The following PTPRZ1 variants were observed in gnomAD, a reference collection of about 807,000 sequenced individuals.
The protein encoded by PTPRZ1 is receptor-type tyrosine-protein phosphatase zeta.
Under a neutral mutation model 214.1 loss-of-function variants are expected in PTPRZ1, and 82 were observed. That is an observed-to-expected ratio of 0.38 (90% CI 0.32 to 0.46). The LOEUF is 0.46. Ranked by LOEUF, PTPRZ1 falls within the 20% of genes least tolerant of loss-of-function variation. The pLI, the probability that PTPRZ1 is intolerant of heterozygous loss-of-function variation, is 1.00. For missense variants in PTPRZ1, 2,603 were observed against 2,748.7 expected (o/e 0.95, Z 1.19); for synonymous variants, 945 against 987.9 (o/e 0.96, Z 0.81).
rs66916301 is a variant in PTPRZ1 at position 121,993,572 on chromosome 7, C to CAAA, written c.929-2790_929-2788dup. Among the ~76,000 whole-genome samples the CAAA allele has an allele frequency of 4.3e-3, 314 of 73,504 alleles. 3 individuals are homozygous for CAAA. Among genetic ancestry groups the CAAA allele is most frequent in the African/African-American group, 0.015 (282 of 18,492 alleles). The allele number at this position is 73,504 out of a possible 152,430, so 48.2% of individuals were successfully genotyped here. ...CCTGGATGACAGAGCGAGACTGTCTCAAAAAAAAAAAAAAAAAAAAAACAC... is the reference window on the plus strand; with the variant it reads ...CCTGGATGACAGAGCGAGACTGTCTCAAAAAAAAAAAAAAAAAAAAAAAAACAC... On this transcript the variant is annotated intron_variant, in intron 8 of 29. Coordinates refer to ENST00000393386, the MANE Select transcript of PTPRZ1 (RefSeq NM_002851.3).
At chr7:121,893,535 A>G (rs746838578) in intron 1 of PTPRZ1, among the ~76,000 whole-genome samples, 4 of 152,220 alleles carry the variant, frequency 2.6e-5, no homozygotes, top group African/African-American at 7.2e-5. Context: ...TACAATGCAG[A>G]AATTGCACTC....
At chr7:122,023,747 TTA>T (rs1013153427) in intron 13 of PTPRZ1, among the ~76,000 whole-genome samples, 16 of 133,550 alleles carry the variant, frequency 1.2e-4, no homozygotes, top group South Asian at 6.4e-4. Context: ...TTATATATAA[TTA>T]TATATATAAT....
rs142006681 is a variant in PTPRZ1 at position 122,039,481 on chromosome 7, G to A, written c.5530G>A (p.Asp1844Asn). Residue 1844 changes from aspartate to asparagine, a missense_variant, in exon 20 of 30, where the codon GAT (aspartate) becomes AAT (asparagine). Coordinates refer to ENST00000393386, the MANE Select transcript of PTPRZ1 (RefSeq NM_002851.3). ...AAAATGTGATCAGTACTGGCCTGCC[G>A]ATGGGAGTGAGGAGTACGGGAACTT... is the stretch of plus-strand genomic sequence containing the variant. ...RRKCDQYWPA[D>N]GSEEYGNFLV... The A allele has an allele frequency of 6.3e-5, 102 of 1,613,902 alleles. No individual in the cohort carries two copies. Among genetic ancestry groups the A allele is most frequent in the Middle Eastern group, 1.6e-4 (1 of 6,084 alleles).
intron 2 of PTPRZ1, among the ~76,000 whole-genome samples, chr7:121,967,654 T>G (rs185985241): frequency 6.0e-4 from 91 of 152,320 alleles, no homozygotes; most frequent in African/African-American, 1.8e-3. Context: ...TAGTTCTCAT[T>G]GACTCCCTGA....
At chr7:122,054,892 T>C in intron 26 of PTPRZ1, 49 bp from the exon 27 acceptor site, 1 of 1,497,994 alleles carries the variant, frequency 6.7e-7, no homozygotes, top group Non-Finnish European at 8.9e-7. Flanking sequence ...TCTGACTTAT[T>C]GGTCATTTTA....
At chr7:121,895,011 A>G (rs1004634798) in intron 1 of PTPRZ1, among the ~76,000 whole-genome samples, 1 of 152,232 alleles carries the variant, frequency 6.6e-6, no homozygotes, top group African/African-American at 2.4e-5. Context: ...TCCCTCTCTT[A>G]GAAGAGAAGA....
At chr7:122,015,766 G>T (rs1351771094) in intron 12 of PTPRZ1, among the ~76,000 whole-genome samples, 1 of 151,962 alleles carries the variant, frequency 6.6e-6, no homozygotes, top group Admixed American at 6.6e-5. Context: ...TTTCTCTTCA[G>T]TGCACTAATT....
intron 1 of PTPRZ1, among the ~76,000 whole-genome samples, chr7:121,916,102 C>T (rs1443588566): frequency 6.6e-6 from 1 of 151,674 alleles, no homozygotes; most frequent in Non-Finnish European, 1.5e-5. Context: ...GGTAAAACCC[C>T]GTCTCTACTA....
At position 121,879,689 on chromosome 7, in the gene PTPRZ1, C is replaced by T. The variant is rs556476797; in HGVS notation, c.58+6132C>T. 2.0e-5 allele frequency among the ~76,000 whole-genome samples: 3 copies of T among 152,250 alleles called. No homozygotes were observed. The South Asian group carries it at 6.2e-4, about 32-fold the overall frequency. ...GGACATGGGATCAGTTAAAAATCTT[C>T]ATAGGAGTCAAAAGCAGAAAAAAAG... On this transcript the variant is annotated intron_variant, in intron 1 of 29. Transcript: ENST00000393386.
intron 18 of PTPRZ1, among the ~76,000 whole-genome samples, chr7:122,038,238 C>G (rs1056386554): frequency 6.6e-6 from 1 of 152,096 alleles, no homozygotes; most frequent in Non-Finnish European, 1.5e-5. Flanking sequence ...CCATATTATG[C>G]CCATAAAACA....
intron 2 of PTPRZ1, among the ~76,000 whole-genome samples, chr7:121,940,968 C>T (rs79277272): frequency 0.013 from 1,919 of 152,300 alleles, 49 homozygotes; most frequent in African/African-American, 0.044. Flanking sequence ...GCCTGAATAG[C>T]AGACTATGCA....
At chr7:121,947,452 C>T (rs1796419165) in intron 2 of PTPRZ1, among the ~76,000 whole-genome samples, 1 of 152,022 alleles carries the variant, frequency 6.6e-6, no homozygotes, top group African/African-American at 2.4e-5. Flanking sequence ...TCATAGAGCT[C>T]ACAAATATGA....
intron 1 of PTPRZ1, among the ~76,000 whole-genome samples, chr7:121,920,775 A>G (rs1054040458): frequency 6.6e-6 from 1 of 152,180 alleles, no homozygotes; most frequent in Non-Finnish European, 1.5e-5. Context: ...AGCTCAAGAA[A>G]TAAATCTTCT....
chr7:121,972,673 G>A lies in PTPRZ1; in HGVS notation c.437G>A (p.Gly146Glu), dbSNP rs760736041. ...GATGGATCAGAGCATAGTTTAGAAGGACAAAAATTTCCACTTGAGGTAAGT... is the reference window on the plus strand; with the variant it reads ...GATGGATCAGAGCATAGTTTAGAAGAACAAAAATTTCCACTTGAGGTAAGT... Reference protein sequence around the residue: ...SSDGSEHSLEGQKFPLEMQIY... With the variant: ...SSDGSEHSLEEQKFPLEMQIY... Residue 146 changes from glycine (G) to glutamate (E), a missense_variant, in exon 4 of 30, where the codon GGA (glycine) becomes GAA (glutamate). Transcript: ENST00000393386. The A allele has an allele frequency of 6.2e-7, 1 of 1,601,476 alleles. No homozygotes were observed. The highest frequency in any genetic ancestry group is 8.5e-7 in the Non-Finnish European group (1 of 1,174,596).
chr7:122,035,262 A>G (rs556918811), intron 17 of PTPRZ1, among the ~76,000 whole-genome samples: 4 of 152,284 alleles, frequency 2.6e-5, no homozygotes, highest in Admixed American at 6.5e-5. Context: ...GATCTCTTAT[A>G]TAGTTTGTAT....
intron 2 of PTPRZ1, among the ~76,000 whole-genome samples, chr7:121,934,126 C>T (rs1796004133): frequency 6.6e-6 from 1 of 152,160 alleles, no homozygotes; most frequent in Non-Finnish European, 1.5e-5. Context: ...GAGGCAGGAG[C>T]TTCACTTCTC....
At chr7:121,928,320 G>T in intron 2 of PTPRZ1, 99 bp downstream of exon 2, 4 of 762,974 alleles carry the variant, frequency 5.2e-6, no homozygotes, top group Non-Finnish European at 8.5e-6. Context: ...AACACATCAT[G>T]TCAACTTAGC....
Position 121,996,422 on chromosome 7 carries a change from G to T in PTPRZ1, c.969G>T (p.Glu323Asp). 2.5e-6 allele frequency: 4 copies of T among 1,611,792 alleles called. No homozygotes were observed. The highest frequency in any genetic ancestry group is 3.4e-6 in the Non-Finnish European group (4 of 1,178,606). ...CAGAAAATGTTCAGGCTGACCCAGA[G>T]AATTATACCAGCCTTCTTGTTACAT... ...SEPENVQADP[E>D]NYTSLLVTWE... Residue 323 changes from glutamate (E) to aspartate (D), a missense_variant, in exon 9 of 30, where the codon GAG (glutamate) becomes GAT (aspartate). This residue lies in a region of PTPRZ1 where 244 missense variants were observed against 333.2 expected (regional missense o/e 0.73). Coordinates refer to ENST00000393386, the MANE Select transcript of PTPRZ1 (RefSeq NM_002851.3).
chr7:122,007,076 GGA>G lies in PTPRZ1; in HGVS notation c.1287+2422_1287+2423del, dbSNP rs1562857586. Among the ~76,000 whole-genome samples, 3 of 152,056 alleles carry G rather than the reference GGA, an allele frequency of 2.0e-5. No homozygotes were observed. In the East Asian group the frequency reaches 5.8e-4, roughly 29 times the overall value. On this transcript the variant is annotated intron_variant, in intron 11 of 29. Transcript: ENST00000393386. ...CCGCCTAGAATGAATGGAGACAGGT[GGA>G]GAGAGGCTGTGGAAAGCAAAATGAG...
Sources: allele counts gnomAD v4.1 joint callset (sites outside exome capture counted in the v4.1 genomes callset), GRCh38; gene constraint gnomAD v4.1.1; regional missense constraint gnomAD v4.1.1; transcripts MANE v1.5; gene names NCBI Gene and HGNC (gene_info 2026-07-23, HGNC 2026-07-21).